The following RORB variants were observed in gnomAD, a reference collection of about 807,000 sequenced individuals.
RORB encodes nuclear receptor ROR-beta.
RORB carries 6 observed loss-of-function variants against 59.1 expected under a neutral mutation model. That is an observed-to-expected ratio of 0.10 (90% confidence interval 0.06 to 0.20). The LOEUF (loss-of-function observed/expected upper bound fraction) is 0.20. Among genes scored for constraint, RORB ranks in the 10% least tolerant of loss-of-function variants. The probability of loss-of-function intolerance (pLI) is 1.00; values close to 1 mark genes in which losing one functional copy is unlikely to be tolerated. For missense variants in RORB, 320 were observed against 560.5 expected (o/e 0.57, Z 4.33); for synonymous variants, 215 against 204.5 (o/e 1.05, Z -0.44).
intron 1 of RORB, among the ~76,000 whole-genome samples, chr9:74,503,052 A>G (rs1245337007): frequency 6.6e-6 from 1 of 152,070 alleles, no homozygotes; most frequent in Non-Finnish European, 1.5e-5. Context: ...TAGAAATGGA[A>G]ATTATGCTTA....
chr9:74,644,111 C>T (rs1162574291), intron 4 of RORB, among the ~76,000 whole-genome samples: 1 of 152,202 alleles, frequency 6.6e-6, no homozygotes, highest in Non-Finnish European at 1.5e-5. Context: ...TTAAATTAAG[C>T]TGCTGTGAAC....
chr9:74,644,483 C>A (rs1461859418), intron 4 of RORB, among the ~76,000 whole-genome samples: 1 of 152,038 alleles, frequency 6.6e-6, no homozygotes, highest in Non-Finnish European at 1.5e-5. Context: ...TCATAACTTC[C>A]CAGAGTCCTA....
chr9:74,673,526 GATT>G (rs1275729687), intron 9 of RORB, among the ~76,000 whole-genome samples: 3 of 152,126 alleles, frequency 2.0e-5, no homozygotes, highest in African/African-American at 7.2e-5. Flanking sequence ...GTGAAATGGT[GATT>G]ATTACTCCCC....
intron 9 of RORB, among the ~76,000 whole-genome samples, chr9:74,676,748 T>C (rs1824449576): frequency 6.6e-6 from 1 of 152,238 alleles, no homozygotes; most frequent in South Asian, 2.1e-4. Flanking sequence ...GAAAGTTATA[T>C]CCCGTCCCCC....
intron 1 of RORB, among the ~76,000 whole-genome samples, chr9:74,611,120 G>T (rs923468915): frequency 6.6e-6 from 1 of 152,138 alleles, no homozygotes; most frequent in South Asian, 2.1e-4. Flanking sequence ...TAAGCACTAC[G>T]TTAGTGTGAA....
chr9:74,637,660 T>G (rs1164736104), intron 3 of RORB, among the ~76,000 whole-genome samples: 2 of 152,114 alleles, frequency 1.3e-5, no homozygotes, highest in Non-Finnish European at 2.9e-5. Flanking sequence ...TACTATAAAT[T>G]GATACTCACT....
intron 1 of RORB, among the ~76,000 whole-genome samples, chr9:74,582,058 A>T (rs750404055): frequency 6.6e-6 from 1 of 152,164 alleles, no homozygotes; most frequent in Non-Finnish European, 1.5e-5. Context: ...ATATTCTATC[A>T]TCTATTCAGT....
At chr9:74,540,364 A>G (rs1459818040) in intron 1 of RORB, among the ~76,000 whole-genome samples, 1 of 152,094 alleles carries the variant, frequency 6.6e-6, no homozygotes, top group Non-Finnish European at 1.5e-5. Flanking sequence ...TAACCCCTCT[A>G]TGCTTCAATT....
intron 1 of RORB, among the ~76,000 whole-genome samples, chr9:74,550,953 A>G (rs1826598302): frequency 6.6e-6 from 1 of 152,244 alleles, no homozygotes; most frequent in African/African-American, 2.4e-5. Context: ...CTTGCACATA[A>G]AAATAATATT....
chr9:74,576,997 G>A (rs934750722), intron 1 of RORB, among the ~76,000 whole-genome samples: 3 of 152,030 alleles, frequency 2.0e-5, no homozygotes, highest in Admixed American at 6.6e-5. Context: ...GCTCTACCCC[G>A]TCAACATTGC....
At chr9:74,564,504 T>G (rs924367175) in intron 1 of RORB, among the ~76,000 whole-genome samples, 1 of 152,218 alleles carries the variant, frequency 6.6e-6, no homozygotes, top group Non-Finnish European at 1.5e-5. Flanking sequence ...AAGCCCACCA[T>G]TTTCTCCCAT....
In RORB at chr9:74,690,021, A is replaced by T. The variant is rs1824714034; in HGVS notation, c.*4403A>T. The T allele has an allele frequency of 6.6e-6, 1 of 152,066 alleles. No individual in the cohort carries two copies. Among genetic ancestry groups the T allele is most frequent in the Non-Finnish European group, 1.5e-5 (1 of 68,026 alleles). The allele number at this position is 152,066 out of a possible 1,614,324, so 9.4% of individuals were successfully genotyped here. A position where few individuals can be genotyped will look rare whatever the true frequency, so the allele number is the denominator to read the frequency against. ...AATTTGCAGTCAATTCAGGCCATGG[A>T]CGTCTGTGCCCTAACAGAAGCACCG... On this transcript the variant is annotated 3_prime_UTR_variant, in exon 10 of 10. Coordinates refer to ENST00000376896, the MANE Select transcript of RORB (RefSeq NM_006914.4).
At chr9:74,558,357 G>T (rs766085052) in intron 1 of RORB, among the ~76,000 whole-genome samples, 33 of 152,258 alleles carry the variant, frequency 2.2e-4, no homozygotes, top group Non-Finnish European at 4.3e-4. Context: ...TCGTCCTTGT[G>T]TGGGCACTTC....
At chr9:74,656,491 T>G (rs751557853) in intron 4 of RORB, among the ~76,000 whole-genome samples, 2 of 152,172 alleles carry the variant, frequency 1.3e-5, no homozygotes, top group Non-Finnish European at 2.9e-5. Context: ...ATCCCAACAC[T>G]TTGGGAAGCC....
chr9:74,569,314 G>T (rs910462426), intron 1 of RORB, among the ~76,000 whole-genome samples: 7 of 151,674 alleles, frequency 4.6e-5, no homozygotes, highest in African/African-American at 1.7e-4. Context: ...TTTTAACTCT[G>T]CTGTTAAGAA....
At chr9:74,498,957 T>C (rs1235764673) in intron 1 of RORB, 1 of 153,296 alleles carries the variant, frequency 6.5e-6, no homozygotes, top group Non-Finnish European at 1.5e-5. Flanking sequence ...GGGGAGTCAC[T>C]TGGTCTCCTC....
chr9:74,561,806 C>T (rs1178145379), intron 1 of RORB, among the ~76,000 whole-genome samples: 1 of 152,102 alleles, frequency 6.6e-6, no homozygotes, highest in Non-Finnish European at 1.5e-5. Flanking sequence ...TTTTCTCTTC[C>T]AGGATCCAAT....
intron 1 of RORB, among the ~76,000 whole-genome samples, chr9:74,569,400 A>G (rs1822517110): frequency 6.6e-6 from 1 of 152,100 alleles, no homozygotes; most frequent in African/African-American, 2.4e-5. Flanking sequence ...AGGCAGGTTT[A>G]TTTATAAATG....
intron 1 of RORB, among the ~76,000 whole-genome samples, chr9:74,534,241 AC>A (rs1442381391): frequency 6.6e-6 from 1 of 152,044 alleles, no homozygotes; most frequent in Admixed American, 6.6e-5. Flanking sequence ...TCTCTCAGAT[AC>A]GGAATGGTGA....
Sources: allele counts gnomAD v4.1 joint callset (sites outside exome capture counted in the v4.1 genomes callset), GRCh38; gene constraint gnomAD v4.1.1; transcripts MANE v1.5; gene names NCBI Gene and HGNC (gene_info 2026-07-23, HGNC 2026-07-21).